The following MLLT1 variants were observed in gnomAD, a reference collection of about 807,000 sequenced individuals.
The protein encoded by MLLT1 is MLLT1 super elongation complex subunit, also known as protein ENL.
Under a neutral mutation model 55.1 loss-of-function variants are expected in MLLT1, and 11 were observed. The ratio of observed to expected loss-of-function variants is 0.20; its 90% CI spans 0.13 to 0.33. The LOEUF (loss-of-function observed/expected upper bound fraction) is 0.33, where lower values mean the gene tolerates loss of function less well. Ranked by LOEUF, MLLT1 falls within the 10% of genes least tolerant of loss-of-function variation. MLLT1 has a pLI of 1.00. For synonymous variants in MLLT1, 323 were observed against 320.1 expected (o/e 1.01, Z -0.10); for missense variants, 536 against 760.6 (o/e 0.70, Z 3.47).
chr19:6,235,177 G>A lies in MLLT1; in HGVS notation c.277-4464C>T, dbSNP rs1427442578. ...CCTTTGGGTGGGTGACGGCTACGAG[G>A]GGGTTTGTTGCATCTGCCTCTGTAA... On this transcript the variant is annotated intron_variant, in intron 3 of 11. Coordinates refer to ENST00000252674, the MANE Select transcript of MLLT1 (RefSeq NM_005934.4). This position sits in a 1 kb window ranked among gnomAD's most constrained non-coding sequence, Gnocchi z 5.5. Among the ~76,000 whole-genome samples the A allele has an allele frequency of 6.6e-6, 1 of 152,206 alleles. No homozygotes were observed. Among genetic ancestry groups the A allele is most frequent in the East Asian group, 1.9e-4 (1 of 5,194 alleles).
intron 6 of MLLT1, 25 bp from the exon 7 acceptor site, chr19:6,218,066 G>C: frequency 6.3e-7 from 1 of 1,590,632 alleles, no homozygotes; most frequent in Non-Finnish European, 8.6e-7. Flanking sequence ...GGGATGGGCA[G>C]GGAGGGGAGA....
rs138956844 is a variant in MLLT1, at chr19:6,244,480, C to T, written c.277-13767G>A. On this transcript the variant is annotated intron_variant, in intron 3 of 11. Coordinates refer to ENST00000252674, the MANE Select transcript of MLLT1 (RefSeq NM_005934.4). The stretch of plus-strand genomic sequence containing the variant: ...TCTCAACAGTGGGCTTGGTGCATGC[C>T]GCCAGCGGACAGCGAAAACAGAGGC... 2.6e-3 allele frequency among the ~76,000 whole-genome samples: 390 copies of T among 152,100 alleles called. 2 individuals carry two copies. The highest frequency in any genetic ancestry group is 8.7e-3 in the African/African-American group (362 of 41,478).
intron 3 of MLLT1, among the ~76,000 whole-genome samples, chr19:6,250,220 A>C (rs2091201402): frequency 6.6e-6 from 1 of 152,204 alleles, no homozygotes; most frequent in African/African-American, 2.4e-5. Context: ...ACCATTTCAC[A>C]CCCACAGGGA....
chr19:6,264,199 G>A lies in MLLT1; in HGVS notation c.194-1889C>T, dbSNP rs1197667520. ...GGCTGTGTTGGGCACAGGAGCCCTGGGATCCCTCCCTCCTGCCCATCCTCC... is the reference window on the plus strand; with the variant it reads ...GGCTGTGTTGGGCACAGGAGCCCTGAGATCCCTCCCTCCTGCCCATCCTCC... On this transcript the variant is annotated intron_variant, in intron 2 of 11. Transcript: ENST00000252674. Among the ~76,000 whole-genome samples, 10 of 151,836 alleles carry A rather than the reference G, an allele frequency of 6.6e-5. No individual in the cohort carries two copies. In the South Asian group the frequency reaches 2.1e-3, roughly 32 times the overall value.
rs934838948 is a variant in MLLT1, at chr19:6,229,139, A to T, written c.420+1431T>A. ...CACCACGGAACCTCCGGGGACGCCC[A>T]AAAACACCTACTGCAAACGTGGTGA... is the stretch of plus-strand genomic sequence containing the variant. On this transcript the variant is annotated intron_variant, in intron 4 of 11. Coordinates refer to ENST00000252674, the MANE Select transcript of MLLT1 (RefSeq NM_005934.4). This position sits in a 1 kb window ranked among gnomAD's most constrained non-coding sequence, Gnocchi z 5.2. Among the ~76,000 whole-genome samples, 1 of 152,028 alleles carries T rather than the reference A, an allele frequency of 6.6e-6. No individual in the cohort carries two copies. The highest frequency in any genetic ancestry group is 1.5e-5 in the Non-Finnish European group (1 of 67,996).
intron 3 of MLLT1, among the ~76,000 whole-genome samples, chr19:6,237,099 G>C (rs1027861382): frequency 6.6e-5 from 10 of 152,256 alleles, no homozygotes; most frequent in Non-Finnish European, 1.3e-4. Flanking sequence ...TCCAGGCAGC[G>C]AGCCCGCCAC....
At chr19:6,276,585 C>T (rs1044715693) in intron 1 of MLLT1, among the ~76,000 whole-genome samples, 6 of 152,148 alleles carry the variant, frequency 3.9e-5, no homozygotes, top group Admixed American at 6.5e-5. Flanking sequence ...CCCCAGTCCC[C>T]GTGACCTGCT....
At chr19:6,233,151 C>T (rs1318159923) in intron 3 of MLLT1, among the ~76,000 whole-genome samples, 1 of 152,198 alleles carries the variant, frequency 6.6e-6, no homozygotes, top group Non-Finnish European at 1.5e-5. Flanking sequence ...GCCGTCTCTC[C>T]CCAGCCTGCC....
In MLLT1 at chr19:6,230,384, A is replaced by G. The variant is rs1005716789; in HGVS notation, c.420+186T>C. Among the ~76,000 whole-genome samples the G allele has an allele frequency of 1.3e-5, 2 of 152,136 alleles. No individual in the cohort carries two copies. Among genetic ancestry groups the G allele is most frequent in the Non-Finnish European group, 2.9e-5 (2 of 68,010 alleles). ...GGGTGACCAGCAACGAGTCACCTGC[A>G]GCCACCACGCCCCGGCACAGGTTGT... On this transcript the variant is annotated intron_variant, in intron 4 of 11. Coordinates refer to ENST00000252674, the MANE Select transcript of MLLT1 (RefSeq NM_005934.4). This position sits in a 1 kb window ranked among gnomAD's most constrained non-coding sequence, Gnocchi z 9.0.
At chr19:6,254,361 C>T (rs928339074) in intron 3 of MLLT1, among the ~76,000 whole-genome samples, 2 of 152,194 alleles carry the variant, frequency 1.3e-5, no homozygotes, top group Non-Finnish European at 2.9e-5. Flanking sequence ...TTACAACAAA[C>T]CAGTAATGGA....
rs958783235 is a variant in MLLT1, at chr19:6,235,673, T to G, written c.277-4960A>C. 6.6e-6 allele frequency among the ~76,000 whole-genome samples: 1 copy of G among 151,816 alleles called. No individual in the cohort carries two copies. The highest frequency in any genetic ancestry group is 1.5e-5 in the Non-Finnish European group (1 of 67,924). On this transcript the variant is annotated intron_variant, in intron 3 of 11. Transcript: ENST00000252674. The surrounding 1 kb of genome is among the most constrained non-coding windows in gnomAD (Gnocchi z 5.5). ...TCTCCCAAGCTCCTCAGCCAGCCCC[T>G]CTCTCCTGGACCACCTGCCTCCTAA... is the stretch of plus-strand genomic sequence containing the variant.
intron 3 of MLLT1, among the ~76,000 whole-genome samples, chr19:6,243,266 C>T (rs1414036104): frequency 2.0e-5 from 3 of 152,104 alleles, no homozygotes; most frequent in Admixed American, 1.3e-4. Flanking sequence ...TCGGGGAGGC[C>T]GGCAGCCCCC....
Position 6,245,377 on chromosome 19 carries a change from C to G in MLLT1, c.277-14664G>C, listed in dbSNP as rs1160309410. On this transcript the variant is annotated intron_variant, in intron 3 of 11. Coordinates refer to ENST00000252674, the MANE Select transcript of MLLT1 (RefSeq NM_005934.4). ...AAAGTGCTGGGATTACAGGTATAAG[C>G]CGCCGTGCCCAGCCCTTAAAAAAGT... is the stretch of plus-strand genomic sequence containing the variant. Among the ~76,000 whole-genome samples, 5 of 151,324 alleles carry G rather than the reference C, an allele frequency of 3.3e-5. No homozygotes were observed. In the East Asian group the frequency reaches 1.0e-3, roughly 30 times the overall value.
In MLLT1 at chr19:6,212,247, G is replaced by T; in HGVS notation, c.*795C>A. On this transcript the variant is annotated 3_prime_UTR_variant, in exon 12 of 12. Coordinates refer to ENST00000252674, the MANE Select transcript of MLLT1 (RefSeq NM_005934.4). ...AGGACTCGCTGCCCTTTGTAGTGTT[G>T]GCTGACCCCCCCGGGAGCCCCGGTA... 1 of 1,065,604 alleles carries T rather than the reference G, an allele frequency of 9.4e-7. No individual in the cohort carries two copies. The highest frequency in any genetic ancestry group is 1.1e-6 in the Non-Finnish European group (1 of 879,402). The allele number at this position is 1,065,604 out of a possible 1,614,324, so 66.0% of individuals were successfully genotyped here.
At chr19:6,263,671 CCACAGGAAGCAAGAG>C (rs2091323608) in intron 2 of MLLT1, among the ~76,000 whole-genome samples, 1 of 152,164 alleles carries the variant, frequency 6.6e-6, no homozygotes. Context: ...GCCTGAGAGC[CCACAGGAAGCAAGAG>C]GACAGGAATA....
At chr19:6,269,889 G>C (rs752557406) in intron 2 of MLLT1, among the ~76,000 whole-genome samples, 14 of 152,206 alleles carry the variant, frequency 9.2e-5, no homozygotes, top group Non-Finnish European at 2.1e-4. Flanking sequence ...CGACTCAGCG[G>C]TAAGAAAAGT....
At chr19:6,221,663 A>C (rs1039860427) in intron 6 of MLLT1, among the ~76,000 whole-genome samples, 11 of 152,208 alleles carry the variant, frequency 7.2e-5, no homozygotes, top group Non-Finnish European at 1.5e-4. Flanking sequence ...GGGCTGTCTG[A>C]AGCCCTCATC....
chr19:6,266,684 T>C (rs903136410), intron 2 of MLLT1, among the ~76,000 whole-genome samples: 10 of 152,188 alleles, frequency 6.6e-5, no homozygotes, highest in Admixed American at 2.0e-4. Context: ...CTTGAACTCC[T>C]GATCTCAGGT....
Position 6,211,893 on chromosome 19 carries a change from G to A in MLLT1, c.*1149C>T. ...GGCACCAGCATGAATTGCGGCGGTG[G>A]AGGCCGGGGCGGGCCAGGCCGCGAC... On this transcript the variant is annotated 3_prime_UTR_variant, in exon 12 of 12. Coordinates refer to ENST00000252674, the MANE Select transcript of MLLT1 (RefSeq NM_005934.4). The surrounding 1 kb of genome is among the most constrained non-coding windows in gnomAD (Gnocchi z 4.6). 1.9e-6 allele frequency: 2 copies of A among 1,064,952 alleles called. No homozygotes were observed. Among genetic ancestry groups the A allele is most frequent in the Non-Finnish European group, 2.3e-6 (2 of 878,848 alleles). 66.0% of individuals were successfully genotyped at this position (1,064,952 alleles called of 1,614,324 possible).
Sources: allele counts gnomAD v4.1 joint callset (sites outside exome capture counted in the v4.1 genomes callset), GRCh38; gene constraint gnomAD v4.1.1; non-coding constraint Gnocchi (gnomAD v3.1); transcripts MANE v1.5; gene names NCBI Gene and HGNC (gene_info 2026-07-23, HGNC 2026-07-21).